The following ARSG variants were observed in gnomAD, a reference collection of about 807,000 sequenced individuals.
ARSG encodes arylsulfatase G, also known as ASG.
Under a neutral mutation model 50.5 loss-of-function variants are expected in ARSG, and 37 were observed. The observed-to-expected ratio is 0.73, with a 90% CI of 0.56 to 0.96. ARSG has a LOEUF of 0.96. ARSG is among the 50% of genes least tolerant of loss of function. The pLI is 0.00. For synonymous variants in ARSG, 225 were observed against 254.6 expected, an observed-to-expected ratio of 0.88 and a Z score of 1.11; for missense variants, 629 against 675.3, an observed-to-expected ratio of 0.93 and a Z score of 0.76.
At chr17:68,287,315 C>T (rs1337687817), upstream of ARSG, among the ~76,000 whole-genome samples, 1 of 151,698 alleles carries the variant, frequency 6.6e-6, no homozygotes, top group African/African-American at 2.4e-5. Flanking sequence ...GCATGCCCAG[C>T]CTTCTTCTTC....
intron 1 of ARSG, chr17:68,268,425 G>GTT (rs1359607016): frequency 1.1e-5 from 1 of 93,290 alleles, no homozygotes; most frequent in African/African-American, 5.0e-5. Context: ...TGAAGTTCAA[G>GTT]TTATATATAT....
At chr17:68,401,736 G>A (rs973978216) in intron 11 of ARSG, among the ~76,000 whole-genome samples, 9 of 152,220 alleles carry the variant, frequency 5.9e-5, no homozygotes, top group Middle Eastern at 3.4e-3. Flanking sequence ...TCCTATTGTC[G>A]TGCTTTAAAT....
At chr17:68,448,315 T>C in the ARSG span, 2 of 152,214 alleles carry the variant, frequency 1.3e-5, no homozygotes, top group Non-Finnish European at 2.9e-5. Context: ...CTGTTTCAAA[T>C]CATTCTTGTC....
chr17:68,441,401 G>T, the ARSG span, among the ~76,000 whole-genome samples: 2 of 152,232 alleles, frequency 1.3e-5, no homozygotes, highest in Non-Finnish European at 2.9e-5. Flanking sequence ...TTTGTGTGCT[G>T]AAGACAATTA....
intron 2 of ARSG, among the ~76,000 whole-genome samples, chr17:68,318,216 T>TGGC (rs1256994440): frequency 5.9e-5 from 9 of 152,214 alleles, no homozygotes; most frequent in African/African-American, 1.9e-4. Context: ...TGCATTCTGT[T>TGGC]GGCATCATTT....
rs113001404 is a variant in ARSG at position 68,363,380 on chromosome 17, C to T, written c.705-5168C>T. Among the ~76,000 whole-genome samples, 1,152 of 152,194 alleles carry T rather than the reference C, an allele frequency of 7.6e-3. 18 individuals carry two copies. The highest frequency in any genetic ancestry group is 0.026 in the African/African-American group (1,079 of 41,520). On this transcript the variant is annotated intron_variant, in intron 6 of 11. Transcript: ENST00000621439. Reference sequence around the variant, plus strand: ...GGAAGGAAGGTCAGGCTGGAAGGGACGGAGATAGGGAAAGCTGCAAAGACT... The same window carrying T: ...GGAAGGAAGGTCAGGCTGGAAGGGATGGAGATAGGGAAAGCTGCAAAGACT...
intron 2 of ARSG, among the ~76,000 whole-genome samples, chr17:68,328,014 G>C (rs2077575100): frequency 6.6e-6 from 1 of 152,142 alleles, no homozygotes; most frequent in Non-Finnish European, 1.5e-5. Flanking sequence ...GCTTGACCAG[G>C]AGGGGGTGGT....
At chr17:68,426,453 G>A (rs956590360), downstream of ARSG, among the ~76,000 whole-genome samples, 5 of 152,028 alleles carry the variant, frequency 3.3e-5, no homozygotes, top group Non-Finnish European at 7.4e-5. Context: ...GGCTGGTCTC[G>A]AACTCCTGAG....
At chr17:68,387,681 C>T (rs761083272) in intron 9 of ARSG, among the ~76,000 whole-genome samples, 7 of 152,110 alleles carry the variant, frequency 4.6e-5, no homozygotes, top group Non-Finnish European at 1.0e-4. Context: ...GAGCCCAGCC[C>T]GGCACCCTCC....
intron 10 of ARSG, 68 bp downstream of exon 10, chr17:68,395,261 G>C: frequency 6.3e-7 from 1 of 1,590,218 alleles, no homozygotes; most frequent in South Asian, 1.1e-5. Flanking sequence ...TCTCACCTCT[G>C]TGCAGACAGA....
rs11870513 is a variant in ARSG, at chr17:68,367,349, G to A, written c.705-1199G>A. 0.045 allele frequency among the ~76,000 whole-genome samples: 6,782 copies of A among 152,278 alleles called. 233 individuals carry two copies. Among genetic ancestry groups the A allele is most frequent in the East Asian group, 0.11 (569 of 5,168 alleles). ...CTATAGAGCAAGGCTGTAAGGTGGTGTAAACCAGGGTGAGCTAAGGAGAAC... is the reference window on the plus strand; with the variant it reads ...CTATAGAGCAAGGCTGTAAGGTGGTATAAACCAGGGTGAGCTAAGGAGAAC... On this transcript the variant is annotated intron_variant, in intron 6 of 11. Coordinates refer to ENST00000621439, the MANE Select transcript of ARSG (RefSeq NM_001267727.2). The surrounding 1 kb of genome is among the most constrained non-coding windows in gnomAD (Gnocchi z 4.5).
At chr17:68,283,148 G>T (rs1555753383) in intron 1 of ARSG, 1 of 151,804 alleles carries the variant, frequency 6.6e-6, no homozygotes, top group African/African-American at 2.4e-5. Context: ...TTTTTAAGTT[G>T]GCTGGCGTGG....
intron 2 of ARSG, among the ~76,000 whole-genome samples, chr17:68,323,010 C>A (rs531322958): frequency 2.0e-5 from 3 of 151,654 alleles, no homozygotes; most frequent in African/African-American, 7.3e-5. Flanking sequence ...CCCATCTCTA[C>A]AATAATAATA....
Position 68,411,377 on chromosome 17 carries a change from A to G in ARSG, c.1304-8812A>G, listed in dbSNP as rs1163524846. On this transcript the variant is annotated intron_variant, in intron 11 of 11. Transcript: ENST00000621439. ...TCTTTATTTCTGCCTTCATTTCATT[A>G]TGTACCCAGTAGTCATTCAGGAGCA... Among the ~76,000 whole-genome samples the G allele has an allele frequency of 3.9e-5, 6 of 152,282 alleles. No homozygotes were observed. The East Asian group carries it at 9.6e-4, about 24-fold the overall frequency.
chr17:68,290,847 G>A (rs2075961528), upstream of ARSG, among the ~76,000 whole-genome samples: 14 of 152,130 alleles, frequency 9.2e-5, no homozygotes, highest in Admixed American at 9.2e-4. Flanking sequence ...ACTGTACCAG[G>A]GTCACGGACA....
At chr17:68,437,947 TTAAAAAAAA>T in the ARSG span, among the ~76,000 whole-genome samples, 2 of 58,786 alleles carry the variant, frequency 3.4e-5, no homozygotes, top group Non-Finnish European at 6.3e-5. Flanking sequence ...GACATCTCTC[TTAAAAAAAA>T]AAAAAAAAAA....
At chr17:68,402,755 G>A (rs1035216315) in intron 11 of ARSG, among the ~76,000 whole-genome samples, 1 of 152,134 alleles carries the variant, frequency 6.6e-6, no homozygotes, top group African/African-American at 2.4e-5. Context: ...TTGATCTCCT[G>A]ACCTCGTGAT....
intron 1 of ARSG, among the ~76,000 whole-genome samples, chr17:68,302,884 G>A (rs1464432288): frequency 1.3e-5 from 2 of 152,150 alleles, no homozygotes; most frequent in East Asian, 1.9e-4. Context: ...ACGTGGCCGA[G>A]TACCTTCTGC....
chr17:68,292,508 G>C (rs2076048123), intron 1 of ARSG, among the ~76,000 whole-genome samples: 1 of 152,204 alleles, frequency 6.6e-6, no homozygotes, highest in Admixed American at 6.5e-5. Context: ...GGGCAAATTT[G>C]GAAACTGCTC....
Sources: gnomAD v4.1 joint callset for allele counts (sites outside exome capture counted in the v4.1 genomes callset) on GRCh38, gnomAD v4.1.1 for gene constraint, Gnocchi (gnomAD v3.1) non-coding constraint, MANE v1.5 for transcripts, NCBI Gene and HGNC (gene_info 2026-07-23, HGNC 2026-07-21) for gene names.